Variants in ARHGAP8 observed in about 807,000 individuals in gnomAD.
ARHGAP8 encodes rho GTPase-activating protein 8.
ARHGAP8 carries 62 observed loss-of-function variants against 46.1 expected under a neutral mutation model. The observed-to-expected ratio is 1.34, with a 90% CI of 1.10 to 1.66. The LOEUF (loss-of-function observed/expected upper bound fraction) is 1.66, where lower values mean the gene tolerates loss of function less well. Among genes scored for constraint, ARHGAP8 ranks in the 40% most tolerant of loss-of-function variants. ARHGAP8 has a pLI of 0.00. For missense variants in ARHGAP8, 923 were observed against 568.4 expected, an observed-to-expected ratio of 1.62 and a Z score of -6.34; for synonymous variants, 375 against 243.1, an observed-to-expected ratio of 1.54 and a Z score of -5.05.
At chr22:44,832,034 A>G (rs911655904) in intron 7 of ARHGAP8, among the ~76,000 whole-genome samples, 1 of 152,160 alleles carries the variant, frequency 6.6e-6, no homozygotes, top group Non-Finnish European at 1.5e-5. Flanking sequence ...CTGGGTGTGT[A>G]GACCAATTTT....
In ARHGAP8 at chr22:44,822,384, A is replaced by G; in HGVS notation, c.400A>G (p.Lys134Glu). ...CTGCTTTCTTAGTCACAAGTTTGGG[A>G]AGAAAGTCATCTATTTCAACTACCT... ...LKPLISHKFG[K>E]KVIYFNYLSE... The change falls in exon 6 of 12, where the codon AAG becomes GAG. Residue 134 changes from lysine (K) to glutamate (E), a missense_variant. By Grantham distance (56) the Lys-to-Glu change is moderately conservative. Transcript: ENST00000356099. 2 of 1,581,278 alleles carry G rather than the reference A, an allele frequency of 1.3e-6. No homozygotes were observed. Among genetic ancestry groups the G allele is most frequent in the East Asian group, 2.4e-5 (1 of 42,342 alleles).
chr22:44,814,778 A>G lies in ARHGAP8; in HGVS notation c.386+20A>G. Reference sequence around the variant, plus strand: ...CATCAGGTATGCGTCACTCTGGGAGAGGACCTCGCTGGGGTTGGAGGTTTC... The same window carrying G: ...CATCAGGTATGCGTCACTCTGGGAGGGGACCTCGCTGGGGTTGGAGGTTTC... On this transcript the variant is annotated intron_variant, in intron 5 of 11. Coordinates refer to ENST00000356099, the MANE Select transcript of ARHGAP8 (RefSeq NM_181335.3). 1 of 1,612,916 alleles carries G rather than the reference A, an allele frequency of 6.2e-7. No individual in the cohort carries two copies. The highest frequency in any genetic ancestry group is 1.3e-5 in the African/African-American group (1 of 74,940).
At chr22:44,860,800 C>T (rs990343297) in intron 11 of ARHGAP8, among the ~76,000 whole-genome samples, 6 of 152,130 alleles carry the variant, frequency 3.9e-5, no homozygotes, top group Non-Finnish European at 7.4e-5. Context: ...ACCCCCAACC[C>T]CCAGACCCAC....
rs748369427 is a variant in ARHGAP8 at position 44,814,732 on chromosome 22, G to A, written c.360G>A (p.Leu120=). ...VVHPTSFIKV[L]WNILKPLISH... ...ACCCCACCAGCTTCATCAAGGTCCT[G>A]TGGAACATCTTGAAGCCCCTCATCA... Residue 120 remains leucine (L), a synonymous_variant, in exon 5 of 12, where the codon CTG becomes CTA. Coordinates refer to ENST00000356099, the MANE Select transcript of ARHGAP8 (RefSeq NM_181335.3). 4 of 1,613,916 alleles carry A rather than the reference G, an allele frequency of 2.5e-6. No homozygotes were observed. Among genetic ancestry groups the A allele is most frequent in the Non-Finnish European group, 3.4e-6 (4 of 1,179,958 alleles).
chr22:44,862,519 C>CA lies in ARHGAP8; in HGVS notation c.1227dup (p.Arg410ThrfsTer65). On this transcript the variant is annotated frameshift_variant, in exon 12 of 12. Transcript: ENST00000356099. LOFTEE classifies it low-confidence loss of function (END_TRUNC). Reference sequence around the variant, plus strand: ...GCAGCCCCTTTGCAGGAGGCTGTGCCACGGACACAAGCCACGGGCCTCACC... The same window carrying CA: ...GCAGCCCCTTTGCAGGAGGCTGTGCCAACGGACACAAGCCACGGGCCTCACC... 1 of 1,612,208 alleles carries CA rather than the reference C, an allele frequency of 6.2e-7. No individual in the cohort carries two copies. Among genetic ancestry groups the CA allele is most frequent in the South Asian group, 1.1e-5 (1 of 90,990 alleles).
In ARHGAP8 at chr22:44,808,392, C is replaced by A; in HGVS notation, c.253C>A (p.Pro85Thr). ...CTACGGGCTGAACAGCCGGAACAAG[C>A]CTTCCCTGGGCTGGCTCCAGAGCGC... ...FHYGLNSRNK[P>T]SLGWLQSAYK... Residue 85 changes from proline to threonine, a missense_variant, in exon 4 of 12, where the codon CCT becomes ACT. Physicochemically the swap from Pro to Thr is conservative, Grantham distance 38. Coordinates refer to ENST00000356099, the MANE Select transcript of ARHGAP8 (RefSeq NM_181335.3). The A allele has an allele frequency of 6.2e-7, 1 of 1,614,230 alleles. No homozygotes were observed.
At chr22:44,773,397 G>C (rs1229989860) in intron 1 of ARHGAP8, among the ~76,000 whole-genome samples, 1 of 152,056 alleles carries the variant, frequency 6.6e-6, no homozygotes, top group Non-Finnish European at 1.5e-5. Flanking sequence ...TGTTCTGATT[G>C]GTGAATTGAA....
At chr22:44,773,230 T>C (rs148599813) in intron 1 of ARHGAP8, among the ~76,000 whole-genome samples, 1 of 152,346 alleles carries the variant, frequency 6.6e-6, no homozygotes, top group Non-Finnish European at 1.5e-5. Flanking sequence ...TGTGTCAAAT[T>C]TATCTAGATT....
At chr22:44,845,151 T>G (rs2147158727) in intron 7 of ARHGAP8, 118 bp from the exon 8 acceptor site, 1 of 1,266,246 alleles carries the variant, frequency 7.9e-7, no homozygotes, top group African/African-American at 1.5e-5. Flanking sequence ...TCTCTCTTCC[T>G]GGACAGTGCC....
chr22:44,841,063 T>G (rs1931619356), intron 7 of ARHGAP8, among the ~76,000 whole-genome samples: 2 of 152,092 alleles, frequency 1.3e-5, no homozygotes, highest in Admixed American at 1.3e-4. Context: ...CCCGTTTACA[T>G]TTATTGGCCC....
At chr22:44,858,156 T>G (rs1002048221) in intron 10 of ARHGAP8, among the ~76,000 whole-genome samples, 19 of 152,164 alleles carry the variant, frequency 1.2e-4, no homozygotes, top group Non-Finnish European at 5.9e-5. Flanking sequence ...ATGATCATAG[T>G]GGGGAGTCTT....
intron 3 of ARHGAP8, among the ~76,000 whole-genome samples, chr22:44,803,064 T>C (rs1318680421): frequency 3.3e-5 from 5 of 152,144 alleles, no homozygotes; most frequent in Non-Finnish European, 4.4e-5. Context: ...TGTGAGACTT[T>C]GGATAGATAG....
At chr22:44,801,767 G>T (rs1233312079) in intron 2 of ARHGAP8, 3 of 345,114 alleles carry the variant, frequency 8.7e-6, no homozygotes, top group Admixed American at 8.5e-5. Context: ...GATGCGTCTC[G>T]ATTTAAGTCC....
intron 4 of ARHGAP8, chr22:44,808,675 C>T (rs111568032): frequency 0.043 from 31,607 of 741,626 alleles, 1,386 homozygotes; most frequent in African/African-American, 0.18. Context: ...TTTTAAGAGA[C>T]GGTCTCACCC....
rs1171041637 is a variant in ARHGAP8 at position 44,808,313 on chromosome 22, G to A, written c.174G>A (p.Leu58=). ...ELDHQRLLEY[L]KYTLDQYVEN... ...TCTTCTGTGTTGTGCCCAGGTATTT[G>A]AAGTACACACTGGACCAATACGTTG... Residue 58 remains leucine (L), a synonymous_variant, in exon 4 of 12, where the codon TTG becomes TTA. Coordinates refer to ENST00000356099, the MANE Select transcript of ARHGAP8 (RefSeq NM_181335.3). 6.2e-6 allele frequency: 10 copies of A among 1,612,940 alleles called. No individual in the cohort carries two copies. The highest frequency in any genetic ancestry group is 5.0e-5 in the Admixed American group (3 of 59,840).
At chr22:44,852,435 C>G (rs1041329692) in intron 10 of ARHGAP8, among the ~76,000 whole-genome samples, 1 of 152,146 alleles carries the variant, frequency 6.6e-6, no homozygotes, top group Admixed American at 6.6e-5. Context: ...AGAGAGAGCC[C>G]TTCCCACACC....
intron 4 of ARHGAP8, among the ~76,000 whole-genome samples, chr22:44,811,855 G>A (rs771414351): frequency 1.1e-4 from 17 of 151,992 alleles, no homozygotes; most frequent in Non-Finnish European, 1.9e-4. Flanking sequence ...AAATTAGCCA[G>A]GCGTGGTGGT....
At chr22:44,772,906 C>T (rs980296393) in intron 1 of ARHGAP8, among the ~76,000 whole-genome samples, 1 of 149,820 alleles carries the variant, frequency 6.7e-6, no homozygotes, top group Non-Finnish European at 1.5e-5. Context: ...GCAGCCCTGA[C>T]CTCCTGGGTT....
intron 2 of ARHGAP8, among the ~76,000 whole-genome samples, chr22:44,787,029 C>CAA (rs34957650): frequency 3.2e-5 from 3 of 94,804 alleles, no homozygotes; most frequent in African/African-American, 8.0e-5. Context: ...GACCCTGTCT[C>CAA]AAAAAAACAA....
Sources: allele counts gnomAD v4.1 joint callset (sites outside exome capture counted in the v4.1 genomes callset), GRCh38; gene constraint gnomAD v4.1.1; transcripts MANE v1.5; gene names NCBI Gene and HGNC (gene_info 2026-07-23, HGNC 2026-07-21).